The following GYPC variants were observed in gnomAD, a reference collection of about 807,000 sequenced individuals.
GYPC encodes the protein glycophorin C (Gerbich blood group), also known as glycophorin-C.
Under a neutral mutation model 12.6 loss-of-function variants are expected in GYPC, and 14 were observed. The ratio of observed to expected loss-of-function variants is 1.11; its 90% CI spans 0.74 to 1.74. The LOEUF is 1.74. Ranked by LOEUF, GYPC falls within the 40% of genes most tolerant of loss-of-function variation. The pLI is 0.00. For missense variants in GYPC, 225 were observed against 172.1 expected (o/e 1.31, Z -1.72); for synonymous variants, 78 against 62.1 (o/e 1.26, Z -1.20).
intron 1 of GYPC, among the ~76,000 whole-genome samples, chr2:126,671,342 T>A (rs1180938113): frequency 6.6e-6 from 1 of 152,156 alleles, no homozygotes; most frequent in Non-Finnish European, 1.5e-5. Context: ...GGTGCAAGCA[T>A]GCGAGGCAGG....
intron 1 of GYPC, among the ~76,000 whole-genome samples, chr2:126,674,155 T>C (rs2104784656): frequency 6.6e-6 from 1 of 152,280 alleles, no homozygotes. Flanking sequence ...TTCAAGCAGA[T>C]GGAAATGGCT....
chr2:126,690,384 C>T (rs1481975774), intron 2 of GYPC, 73 bp downstream of exon 2: 9 of 1,111,466 alleles, frequency 8.1e-6, no homozygotes, highest in Non-Finnish European at 1.1e-5. Context: ...TCACAGAGCC[C>T]TTTAAGCAGC....
intron 1 of GYPC, among the ~76,000 whole-genome samples, chr2:126,660,209 C>T (rs1682497945): frequency 1.3e-5 from 2 of 152,270 alleles, no homozygotes; most frequent in Admixed American, 1.3e-4. Context: ...CAGGACCCGC[C>T]TGCCTCCCCC....
chr2:126,681,790 AAAAAGAAAG>A (rs1304864935), intron 1 of GYPC, among the ~76,000 whole-genome samples: 3 of 147,944 alleles, frequency 2.0e-5, no homozygotes, highest in East Asian at 4.2e-4. Context: ...AAAAAAAAAA[AAAAAGAAAG>A]AAAGAAAGAA....
intron 1 of GYPC, among the ~76,000 whole-genome samples, chr2:126,671,704 G>A (rs1279924988): frequency 6.6e-6 from 1 of 152,238 alleles, no homozygotes; most frequent in Non-Finnish European, 1.5e-5. Context: ...CTGTGTGTCA[G>A]GCCCAGGCCA....
In GYPC at chr2:126,693,920, A is replaced by G; in HGVS notation, c.163A>G (p.Thr55Ala). Reference protein sequence around the residue: ...PDGRMETSTPTIMDIVVIAGV... With the variant: ...PDGRMETSTPAIMDIVVIAGV... ...TGGCAGAATGGAGACCTCCACCCCC[A>G]CCATAATGGACATTGTCGTCATTGC... Residue 55 changes from threonine (T) to alanine (A), a missense_variant, in exon 3 of 4, where the codon ACC (threonine) becomes GCC (alanine). By Grantham distance (58) the Thr-to-Ala change is moderately conservative. Transcript: ENST00000259254. 1 of 1,611,400 alleles carries G rather than the reference A, an allele frequency of 6.2e-7. No individual in the cohort carries two copies. Among genetic ancestry groups the G allele is most frequent in the East Asian group, 2.2e-5 (1 of 44,852 alleles).
chr2:126,668,685 A>G (rs1250347610), intron 1 of GYPC, among the ~76,000 whole-genome samples: 1 of 152,236 alleles, frequency 6.6e-6, no homozygotes, highest in East Asian at 1.9e-4. Flanking sequence ...TTGCGAGAGC[A>G]ATTCATCCGC....
At chr2:126,681,936 G>C (rs1683160765) in intron 1 of GYPC, among the ~76,000 whole-genome samples, 1 of 152,246 alleles carries the variant, frequency 6.6e-6, no homozygotes, top group African/African-American at 2.4e-5. Context: ...CAGCAGGGCG[G>C]CCAGATGCCT....
At chr2:126,686,054 G>T (rs573091751) in intron 1 of GYPC, 2 of 985,300 alleles carry the variant, frequency 2.0e-6, no homozygotes, top group East Asian at 1.1e-4. Context: ...AACTCCTATG[G>T]CAGAGGGGAG....
chr2:126,680,899 C>T (rs556786307), intron 1 of GYPC, among the ~76,000 whole-genome samples: 36 of 152,278 alleles, frequency 2.4e-4, no homozygotes, highest in Non-Finnish European at 4.7e-4. Flanking sequence ...CGCCTGCTCA[C>T]GGGAGACACC....
At chr2:126,660,182 C>T (rs1422205310) in intron 1 of GYPC, among the ~76,000 whole-genome samples, 1 of 152,240 alleles carries the variant, frequency 6.6e-6, no homozygotes, top group Non-Finnish European at 1.5e-5. Flanking sequence ...CACTGAGGAA[C>T]TGCATGCACA....
At chr2:126,671,967 G>A (rs1040813508) in intron 1 of GYPC, among the ~76,000 whole-genome samples, 4 of 152,182 alleles carry the variant, frequency 2.6e-5, no homozygotes, top group African/African-American at 9.7e-5. Flanking sequence ...CCAGACATGG[G>A]GCCATCTGAG....
At chr2:126,690,976 GCAAT>G (rs1683446508) in intron 2 of GYPC, among the ~76,000 whole-genome samples, 1 of 152,050 alleles carries the variant, frequency 6.6e-6, no homozygotes, top group Non-Finnish European at 1.5e-5. Context: ...GCAGAAGCAA[GCAAT>G]CAAAGACACC....
intron 1 of GYPC, among the ~76,000 whole-genome samples, chr2:126,665,443 C>CCA (rs1224737273): frequency 1.3e-5 from 2 of 152,172 alleles, no homozygotes; most frequent in Non-Finnish European, 2.9e-5. Flanking sequence ...TTCAGGCATC[C>CCA]GCTGGGGGTC....
chr2:126,656,389 G>C (rs1016521746), intron 1 of GYPC, 77 bp downstream of exon 1: 103 of 1,275,396 alleles, frequency 8.1e-5, no homozygotes, highest in East Asian at 2.6e-4. Context: ...GCCGAGCCAC[G>C]GCCACGGACG....
intron 1 of GYPC, among the ~76,000 whole-genome samples, chr2:126,684,279 C>A (rs548283763): frequency 6.6e-6 from 1 of 152,268 alleles, no homozygotes; most frequent in East Asian, 1.9e-4. Flanking sequence ...CAAGACCAGA[C>A]GAATGCACAT....
At chr2:126,681,548 A>G (rs1683149204) in intron 1 of GYPC, among the ~76,000 whole-genome samples, 1 of 151,458 alleles carries the variant, frequency 6.6e-6, no homozygotes, top group African/African-American at 2.4e-5. Flanking sequence ...ATAGTATACC[A>G]GAGTATTGAA....
chr2:126,657,245 G>A (rs1446698624), intron 1 of GYPC, among the ~76,000 whole-genome samples: 1 of 152,202 alleles, frequency 6.6e-6, no homozygotes, highest in Non-Finnish European at 1.5e-5. Flanking sequence ...GTGCTGCTTC[G>A]GTCTACGTGT....
At chr2:126,662,013 A>G (rs539112684) in intron 1 of GYPC, among the ~76,000 whole-genome samples, 10 of 152,312 alleles carry the variant, frequency 6.6e-5, no homozygotes, top group Admixed American at 5.2e-4. Flanking sequence ...AGGGCGCCTC[A>G]CACCCGCTGC....
Sources: allele counts gnomAD v4.1 joint callset (sites outside exome capture counted in the v4.1 genomes callset), GRCh38; gene constraint gnomAD v4.1.1; transcripts MANE v1.5; gene names NCBI Gene and HGNC (gene_info 2026-07-23, HGNC 2026-07-21).